The following ACKR2 variants were observed in gnomAD, a reference collection of about 807,000 sequenced individuals.
ACKR2 encodes C-C chemokine receptor D6.
For synonymous variants in ACKR2, 207 were observed against 192.2 expected (o/e 1.08, Z -0.64); for missense variants, 457 against 477.3 (o/e 0.96, Z 0.40).
chr3:42,841,479 T>A (rs1365518023), intron 2 of ACKR2: 1 of 152,232 alleles, frequency 6.6e-6, no homozygotes, highest in East Asian at 1.9e-4. Context: ...GGACCTTAGA[T>A]TAAGACTCCT....
chr3:42,834,104 A>G (rs575476294), intron 2 of ACKR2, among the ~76,000 whole-genome samples: 1 of 152,248 alleles, frequency 6.6e-6, no homozygotes, highest in East Asian at 1.9e-4. Flanking sequence ...GATTACAGGC[A>G]TGCGCCTCCA....
intron 2 of ACKR2, among the ~76,000 whole-genome samples, chr3:42,837,375 CCTGA>C: frequency 6.6e-6 from 1 of 152,194 alleles, no homozygotes; most frequent in African/African-American, 2.4e-5. Flanking sequence ...TGCCACCATG[CCTGA>C]CTAATTTTTG....
rs1178157547 is a variant in ACKR2 at position 42,865,276 on chromosome 3, C to T, written c.774C>T (p.Ala258=). The T allele has an allele frequency of 6.2e-7, 1 of 1,614,202 alleles. No homozygotes were observed. Among genetic ancestry groups the T allele is most frequent in the Non-Finnish European group, 8.5e-7 (1 of 1,180,038 alleles). Residue 258 remains alanine (A), a synonymous_variant, in exon 3 of 3, where the codon GCC becomes GCT. Transcript: ENST00000422265. ...ALKIAAALVV[A]FFVLWFPYNL... Reference sequence around the variant, plus strand: ...AAATAGCTGCAGCCTTGGTGGTGGCCTTCTTCGTGCTATGGTTCCCATACA... The same window carrying T: ...AAATAGCTGCAGCCTTGGTGGTGGCTTTCTTCGTGCTATGGTTCCCATACA...
At position 42,852,791 on chromosome 3, in the gene ACKR2, G is replaced by C. The variant is rs959998118; in HGVS notation, c.-37-11675G>C. 3.3e-5 allele frequency among the ~76,000 whole-genome samples: 5 copies of C among 152,064 alleles called. No homozygotes were observed. In the East Asian group the frequency reaches 9.6e-4, roughly 29 times the overall value. On this transcript the variant is annotated intron_variant, in intron 2 of 2. Coordinates refer to ENST00000422265, the MANE Select transcript of ACKR2 (RefSeq NM_001296.5). The surrounding 1 kb of genome is among the most constrained non-coding windows in gnomAD (Gnocchi z 4.3). ...AGGGGACTTTTGTTTTTGTTTTTTG[G>C]CCTCTTTTCTATTTTTCCACTGTAT...
intron 2 of ACKR2, among the ~76,000 whole-genome samples, chr3:42,837,516 C>T (rs1006921072): frequency 5.9e-5 from 9 of 152,184 alleles, no homozygotes; most frequent in African/African-American, 1.9e-4. Context: ...GCCACTGCGA[C>T]CAGCTGGGAG....
In ACKR2 at chr3:42,848,212, AATTT is replaced by A. The variant is rs1490450515; in HGVS notation, c.-37-16253_-37-16250del. Among the ~76,000 whole-genome samples, 1,107 of 135,102 alleles carry A rather than the reference AATTT, an allele frequency of 8.2e-3. 10 individuals are homozygous for A. Among genetic ancestry groups the A allele is most frequent in the African/African-American group, 0.027 (1,047 of 38,618 alleles). 88.6% of individuals were successfully genotyped at this position (135,102 alleles called of 152,430 possible). ...AAGGCTAACTCTTTTAAAAAAAAAA[AATTT>A]TTTTTTTTTTTTTTTTTTTTGAGAT... On this transcript the variant is annotated intron_variant, in intron 2 of 2. Transcript: ENST00000422265.
chr3:42,832,255 G>A (rs1203778006), intron 2 of ACKR2, among the ~76,000 whole-genome samples: 1 of 152,108 alleles, frequency 6.6e-6, no homozygotes, highest in African/African-American at 2.4e-5. Flanking sequence ...TTGGGAGGCT[G>A]AGGTGGGCAG....
intron 2 of ACKR2, among the ~76,000 whole-genome samples, chr3:42,844,610 G>A (rs924402648): frequency 6.6e-6 from 1 of 152,314 alleles, no homozygotes; most frequent in African/African-American, 2.4e-5. Flanking sequence ...TGGGAGCTCT[G>A]GTAGACGAGG....
chr3:42,828,723 G>T (rs1341515920), intron 2 of ACKR2, among the ~76,000 whole-genome samples: 2 of 152,122 alleles, frequency 1.3e-5, no homozygotes, highest in African/African-American at 4.8e-5. Context: ...GATTTGGGGG[G>T]CTAATCAGGG....
chr3:42,849,759 T>C (rs1011435898), intron 2 of ACKR2, among the ~76,000 whole-genome samples: 4 of 152,240 alleles, frequency 2.6e-5, no homozygotes, highest in African/African-American at 4.8e-5. Context: ...AACTCTGTAA[T>C]TGGCACAAGA....
intron 2 of ACKR2, among the ~76,000 whole-genome samples, chr3:42,847,988 T>C (rs2125617067): frequency 6.6e-6 from 1 of 152,110 alleles, no homozygotes; most frequent in East Asian, 1.9e-4. Context: ...GTGTCTGACG[T>C]GCTATGGCTG....
At chr3:42,828,101 T>TTTTC (rs1553699783) in intron 2 of ACKR2, among the ~76,000 whole-genome samples, 59 of 144,650 alleles carry the variant, frequency 4.1e-4, no homozygotes, top group Middle Eastern at 7.1e-3. Context: ...TATTTTTTTT[T>TTTTC]TTTTCTTTTC....
At chr3:42,826,123 G>A (rs1346822896) in intron 2 of ACKR2, among the ~76,000 whole-genome samples, 1 of 152,026 alleles carries the variant, frequency 6.6e-6, no homozygotes, top group African/African-American at 2.4e-5. Context: ...CGTTATATCT[G>A]TAGTTGGATT....
At position 42,865,829 on chromosome 3, in the gene ACKR2, C is replaced by T. The variant is rs2088430582; in HGVS notation, c.*172C>T. 1 of 578,912 alleles carries T rather than the reference C, an allele frequency of 1.7e-6. No homozygotes were observed. Among genetic ancestry groups the T allele is most frequent in the African/African-American group, 1.9e-5 (1 of 53,248 alleles). 35.9% of individuals were successfully genotyped at this position (578,912 alleles called of 1,614,324 possible). ...CCCCGCCTTCTTCCTCCACTTTCTTCACTTGCTTCCAGGATACCACGCTTT... is the reference window on the plus strand; with the variant it reads ...CCCCGCCTTCTTCCTCCACTTTCTTTACTTGCTTCCAGGATACCACGCTTT... On this transcript the variant is annotated 3_prime_UTR_variant, in exon 3 of 3. Coordinates refer to ENST00000422265, the MANE Select transcript of ACKR2 (RefSeq NM_001296.5).
intron 2 of ACKR2, chr3:42,851,491 T>A: frequency 1.1e-6 from 1 of 949,574 alleles, no homozygotes; most frequent in Non-Finnish European, 1.3e-6. Context: ...GGGGTGGGGG[T>A]GAGACTTCCC....
chr3:42,835,477 C>G (rs4683340), intron 2 of ACKR2: 1 of 149,448 alleles, frequency 6.7e-6, no homozygotes, highest in Non-Finnish European at 1.5e-5. Flanking sequence ...GGACCACTCT[C>G]CTTCTGCTGG....
chr3:42,849,678 G>A (rs1209996534), intron 2 of ACKR2, among the ~76,000 whole-genome samples: 1 of 152,188 alleles, frequency 6.6e-6, no homozygotes, highest in Non-Finnish European at 1.5e-5. Flanking sequence ...ACAAACAGCT[G>A]GATTGGTTAC....
intron 1 of ACKR2, among the ~76,000 whole-genome samples, chr3:42,814,161 T>A (rs892056089): frequency 1.3e-5 from 2 of 152,238 alleles, no homozygotes; most frequent in Non-Finnish European, 2.9e-5. Flanking sequence ...CTACACTTTA[T>A]ACCATATCAT....
rs9849297 is a variant in ACKR2, at chr3:42,814,265, G to A, written c.-119+4733G>A. 9.3e-3 allele frequency among the ~76,000 whole-genome samples: 1,410 copies of A among 152,178 alleles called. 26 individuals carry two copies. Among genetic ancestry groups the A allele is most frequent in the African/African-American group, 0.032 (1,338 of 41,518 alleles). On this transcript the variant is annotated intron_variant, in intron 1 of 2. Transcript: ENST00000422265. ...TGCAACATCTATTATTCCATTCTTC[G>A]TATTGGGCGTCATTTTGAAGTATAA... is the stretch of plus-strand genomic sequence containing the variant.
Sources: gnomAD v4.1 joint callset for allele counts (sites outside exome capture counted in the v4.1 genomes callset) on GRCh38, gnomAD v4.1.1 for gene constraint, Gnocchi (gnomAD v3.1) non-coding constraint, MANE v1.5 for transcripts, NCBI Gene and HGNC (gene_info 2026-07-23, HGNC 2026-07-21) for gene names.